The following ADAMTS9 variants were observed in gnomAD, a reference collection of about 807,000 sequenced individuals.
ADAMTS9 encodes A disintegrin and metalloproteinase with thrombospondin motifs 9.
Under a neutral mutation model 257.1 loss-of-function variants are expected in ADAMTS9, and 107 were observed. That is an observed-to-expected ratio of 0.42 (90% CI 0.36 to 0.49). The LOEUF is 0.49. Among genes scored for constraint, ADAMTS9 ranks in the 20% least tolerant of loss-of-function variants. ADAMTS9 has a pLI of 0.03. For missense variants in ADAMTS9, 2,353 were observed against 2,469.1 expected, an observed-to-expected ratio of 0.95 and a Z score of 1.00; for synonymous variants, 982 against 880.9, an observed-to-expected ratio of 1.11 and a Z score of -2.03.
At position 64,622,291 on chromosome 3, in the gene ADAMTS9, G is replaced by A. The variant is rs751395253; in HGVS notation, c.2593C>T (p.Arg865Cys). ...SVGKLYNPDV[R>C]YSFNIPIEDK... ...TCAATTGGAATATTGAAAGAATAGC[G>A]TACATCGGGGTTGTACAACTTTCCC... The change falls in exon 18 of 40, where the codon CGC (arginine) becomes TGC (cysteine). Residue 865 changes from arginine to cysteine, a missense_variant. By Grantham distance (180) the Arg-to-Cys change is radical. This residue lies in a region of ADAMTS9 where 1,402 missense variants were observed against 1,441.4 expected (regional missense o/e 0.97). Coordinates refer to ENST00000498707, the MANE Select transcript of ADAMTS9 (RefSeq NM_182920.2). 2.4e-5 allele frequency: 38 copies of A among 1,613,566 alleles called. No individual in the cohort carries two copies. The highest frequency in any genetic ancestry group is 6.7e-5 in the African/African-American group (5 of 74,748).
At chr3:64,656,001 A>G in intron 4 of ADAMTS9, 126 bp from the exon 5 acceptor site, 1 of 585,484 alleles carries the variant, frequency 1.7e-6, no homozygotes, top group Non-Finnish European at 3.0e-6. Flanking sequence ...TGTGGTTGTG[A>G]ATTTTTCATT....
intron 39 of ADAMTS9, among the ~76,000 whole-genome samples, chr3:64,519,310 G>A (rs1208505742): frequency 6.6e-6 from 1 of 152,080 alleles, no homozygotes; most frequent in African/African-American, 2.4e-5. Flanking sequence ...ATCCACCAGA[G>A]ACCTAATGAA....
In ADAMTS9 at chr3:64,643,261, T is replaced by C. The variant is rs143072209; in HGVS notation, c.1711-1268A>G. On this transcript the variant is annotated intron_variant, in intron 11 of 39. Transcript: ENST00000498707. ...ATACATATAAAAATAAATGAACAGA[T>C]GGACGGCTTTGTCTAGAGTACCTCT... is the stretch of plus-strand genomic sequence containing the variant. 4.0e-3 allele frequency among the ~76,000 whole-genome samples: 602 copies of C among 152,162 alleles called. 17 individuals are homozygous for C. In the East Asian group the frequency reaches 0.054, roughly 14 times the overall value.
At chr3:64,558,069 A>C (rs892333765) in intron 30 of ADAMTS9, among the ~76,000 whole-genome samples, 8 of 152,178 alleles carry the variant, frequency 5.3e-5, no homozygotes, top group African/African-American at 1.4e-4. Flanking sequence ...CCTTTTTAGA[A>C]GGGGTAGGTG....
Position 64,648,912 on chromosome 3 carries a change from A to T in ADAMTS9, c.1605+725T>A, listed in dbSNP as rs926554672. On this transcript the variant is annotated intron_variant, in intron 10 of 39. Coordinates refer to ENST00000498707, the MANE Select transcript of ADAMTS9 (RefSeq NM_182920.2). Reference sequence around the variant, plus strand: ...TATTGCCATGAATCAAGTTTACTCAAAATTTTGTTATTATTTCCATGGAAT... The same window carrying T: ...TATTGCCATGAATCAAGTTTACTCATAATTTTGTTATTATTTCCATGGAAT... Among the ~76,000 whole-genome samples the T allele has an allele frequency of 3.9e-5, 6 of 152,162 alleles. No homozygotes were observed. The East Asian group carries it at 1.2e-3, about 29-fold the overall frequency.
chr3:64,660,965 C>T (rs1486054112), intron 3 of ADAMTS9, among the ~76,000 whole-genome samples: 1 of 152,154 alleles, frequency 6.6e-6, no homozygotes, highest in Non-Finnish European at 1.5e-5. Context: ...AGTGCGCAAT[C>T]AGTTTATTTA....
chr3:64,633,341 G>T, intron 14 of ADAMTS9, 131 bp downstream of exon 14: 1 of 1,354,114 alleles, frequency 7.4e-7, no homozygotes, highest in Non-Finnish European at 1.0e-6. Context: ...CTGATCCCGG[G>T]GCCACACTTT....
At chr3:64,623,377 A>T (rs770579958) in intron 16 of ADAMTS9, among the ~76,000 whole-genome samples, 7 of 152,164 alleles carry the variant, frequency 4.6e-5, no homozygotes, top group Non-Finnish European at 7.4e-5. Flanking sequence ...AGCAGCAGGG[A>T]AGTACTGACT....
At chr3:64,573,126 G>A (rs9815355) in intron 28 of ADAMTS9, among the ~76,000 whole-genome samples, 4,664 of 151,670 alleles carry the variant, frequency 0.031, 240 homozygotes, top group African/African-American at 0.11. Context: ...GAAAAGGCAG[G>A]GGCTTAGAAA....
intron 32 of ADAMTS9, among the ~76,000 whole-genome samples, chr3:64,544,946 C>T (rs567356036): frequency 3.3e-3 from 508 of 152,172 alleles, no homozygotes; most frequent in African/African-American, 0.011. Flanking sequence ...AACAAGTGGG[C>T]GATGGATATG....
chr3:64,539,128 C>G (rs2083089062), intron 37 of ADAMTS9, 75 bp downstream of exon 37: 2 of 1,430,936 alleles, frequency 1.4e-6, no homozygotes, highest in African/African-American at 2.8e-5. Context: ...TTCCCAGGAA[C>G]AGATGCAACT....
chr3:64,649,265 T>C (rs1438499585), intron 10 of ADAMTS9, among the ~76,000 whole-genome samples: 3 of 152,082 alleles, frequency 2.0e-5, no homozygotes, highest in African/African-American at 7.2e-5. Flanking sequence ...GTCCCTATAA[T>C]TTAGGTCACC....
At chr3:64,673,772 T>G (rs1002044631) in intron 3 of ADAMTS9, among the ~76,000 whole-genome samples, 1 of 152,068 alleles carries the variant, frequency 6.6e-6, no homozygotes, top group Non-Finnish European at 1.5e-5. Flanking sequence ...TTTCAAAGAT[T>G]TATCATGAAA....
intron 30 of ADAMTS9, among the ~76,000 whole-genome samples, chr3:64,551,532 T>C (rs189953757): frequency 9.9e-5 from 15 of 152,226 alleles, no homozygotes; most frequent in Admixed American, 6.5e-5. Flanking sequence ...TTTACCCCAG[T>C]TACCTAACAA....
intron 27 of ADAMTS9, among the ~76,000 whole-genome samples, chr3:64,595,596 T>A (rs752028378): frequency 2.4e-4 from 37 of 152,234 alleles, no homozygotes; most frequent in Non-Finnish European, 4.1e-4. Flanking sequence ...CCACAATACA[T>A]GAGTCACAAA....
At chr3:64,539,494 C>T (rs1171639929) in intron 36 of ADAMTS9, among the ~76,000 whole-genome samples, 200 bp from the exon 37 acceptor site, 10 of 152,166 alleles carry the variant, frequency 6.6e-5, no homozygotes, top group Non-Finnish European at 1.5e-5. Flanking sequence ...TGTGGTTCTG[C>T]GAGCTTCATT....
At position 64,616,123 on chromosome 3, in the gene ADAMTS9, C is replaced by T. The variant is rs2106846101; in HGVS notation, c.2861G>A (p.Gly954Asp). 1 of 1,614,102 alleles carries T rather than the reference C, an allele frequency of 6.2e-7. No individual in the cohort carries two copies. Among genetic ancestry groups the T allele is most frequent in the African/African-American group, 1.3e-5 (1 of 75,038 alleles). The change falls in exon 20 of 40, where the codon GGT becomes GAT. Residue 954 changes from glycine (G) to aspartate (D), a missense_variant. By Grantham distance (94) the Gly-to-Asp change is moderately conservative. Transcript: ENST00000498707. Reference protein sequence around the residue: ...RSECSAQCGLGYRTLDIYCAK... With the variant: ...RSECSAQCGLDYRTLDIYCAK... ...ACAGTAGATGTCCAATGTGCGGTAACCCAAGCCACACTGGGCACTACATTC... is the reference window on the plus strand; with the variant it reads ...ACAGTAGATGTCCAATGTGCGGTAATCCAAGCCACACTGGGCACTACATTC...
chr3:64,662,117 G>C (rs545909669), intron 3 of ADAMTS9, among the ~76,000 whole-genome samples: 1 of 151,854 alleles, frequency 6.6e-6, no homozygotes, highest in Non-Finnish European at 1.5e-5. Flanking sequence ...GGTATGTTGA[G>C]TCTTCATTTT....
intron 3 of ADAMTS9, among the ~76,000 whole-genome samples, chr3:64,674,033 A>C (rs1701560917): frequency 6.6e-6 from 1 of 152,042 alleles, no homozygotes; most frequent in Non-Finnish European, 1.5e-5. Context: ...CTGTATTAGA[A>C]GTTTCTTTTT....
Sources: gnomAD v4.1 joint callset for allele counts (sites outside exome capture counted in the v4.1 genomes callset) on GRCh38, gnomAD v4.1.1 for gene constraint, gnomAD v4.1.1 regional missense constraint, MANE v1.5 for transcripts, NCBI Gene and HGNC (gene_info 2026-07-23, HGNC 2026-07-21) for gene names.